FAM117A: variants seen among roughly 807,000 people sequenced by gnomAD.
FAM117A encodes the protein protein FAM117A.
Under a neutral mutation model 44.1 loss-of-function variants are expected in FAM117A, and 21 were observed. That is an observed-to-expected ratio of 0.48 (90% CI 0.34 to 0.69). The LOEUF (loss-of-function observed/expected upper bound fraction) is 0.69, where lower values mean the gene tolerates loss of function less well. Ranked by LOEUF, FAM117A falls within the 30% of genes least tolerant of loss-of-function variation. FAM117A has a pLI of 0.01. For missense variants in FAM117A, 498 were observed against 589.9 expected (o/e 0.84, Z 1.61); for synonymous variants, 220 against 238.3 (o/e 0.92, Z 0.71).
rs188235688 is a variant in FAM117A at position 49,776,676 on chromosome 17, G to A, written c.-621+11821C>T. Among the ~76,000 whole-genome samples the A allele has an allele frequency of 2.0e-3, 311 of 152,246 alleles. 2 individuals are homozygous for A. The highest frequency in any genetic ancestry group is 3.9e-3 in the Non-Finnish European group (265 of 68,016). On this transcript the variant is annotated intron_variant, in intron 1 of 7. Transcript: ENST00000513602. ...GGAGGAGAGCAAGATGGGGAAAGCT[G>A]GGGGGTTTCCATGAAGGAGAAACCA...
chr17:49,737,618 T>C (rs1316308510), intron 1 of FAM117A, among the ~76,000 whole-genome samples: 1 of 152,168 alleles, frequency 6.6e-6, no homozygotes, highest in Non-Finnish European at 1.5e-5. Flanking sequence ...AAAAATCTCT[T>C]TTAGATTCTT....
intron 1 of FAM117A, among the ~76,000 whole-genome samples, chr17:49,745,531 C>A (rs968806721): frequency 1.3e-5 from 2 of 152,200 alleles, no homozygotes; most frequent in African/African-American, 4.8e-5. Context: ...TAGCAGTGGA[C>A]ATTCTGGCAT....
rs1162296103 is a variant in FAM117A at position 49,758,637 on chromosome 17, TA to T, written c.196+5254del. 3.2e-3 allele frequency among the ~76,000 whole-genome samples: 310 copies of T among 96,860 alleles called. 12 individuals are homozygous for T. In the East Asian group the frequency reaches 0.047, roughly 15 times the overall value. The allele number at this position is 96,860 out of a possible 152,430, so 63.5% of individuals were successfully genotyped here. A position where few individuals can be genotyped will look rare whatever the true frequency, so the allele number is the denominator to read the frequency against. ...AGACTGTCTCAAAAAAAAAAAAAAATAAAATAAATAAATAAATAAATAAATA... is the reference window on the plus strand; with the variant it reads ...AGACTGTCTCAAAAAAAAAAAAAAATAAATAAATAAATAAATAAATAAATA... On this transcript the variant is annotated intron_variant, in intron 1 of 7. Coordinates refer to ENST00000240364, the MANE Select transcript of FAM117A (RefSeq NM_030802.4).
At chr17:49,761,545 A>T (rs755749218) in intron 1 of FAM117A, among the ~76,000 whole-genome samples, 4 of 152,258 alleles carry the variant, frequency 2.6e-5, no homozygotes, top group Non-Finnish European at 5.9e-5. Flanking sequence ...ACTAAGACAC[A>T]GAAAGAACTT....
At chr17:49,755,422 A>G (rs2073694948) in intron 1 of FAM117A, among the ~76,000 whole-genome samples, 1 of 152,224 alleles carries the variant, frequency 6.6e-6, no homozygotes, top group South Asian at 2.1e-4. Flanking sequence ...GAGTGAAAAG[A>G]CAGTTAGCAT....
rs1478574035 is a variant in FAM117A, at chr17:49,717,493, C to T, written c.910+20G>A. 3 of 1,610,748 alleles carry T rather than the reference C, an allele frequency of 1.9e-6. No homozygotes were observed. The highest frequency in any genetic ancestry group is 1.3e-5 in the African/African-American group (1 of 74,878). On this transcript the variant is annotated intron_variant, in intron 6 of 7. Transcript: ENST00000240364. ...ATGTGCCCCAGAGTCAGCCCTGCTGCCTCAGCCTTCGCGGCTTACCTTTGT... is the reference window on the plus strand; with the variant it reads ...ATGTGCCCCAGAGTCAGCCCTGCTGTCTCAGCCTTCGCGGCTTACCTTTGT...
At chr17:49,716,990 A>G (rs1325179765) in intron 6 of FAM117A, among the ~76,000 whole-genome samples, 1 of 152,152 alleles carries the variant, frequency 6.6e-6, no homozygotes, top group Non-Finnish European at 1.5e-5. Flanking sequence ...TAATGTAAGG[A>G]TTATTATTAG....
chr17:49,747,634 C>G (rs910395353), intron 1 of FAM117A, among the ~76,000 whole-genome samples: 1 of 152,204 alleles, frequency 6.6e-6, no homozygotes, highest in Non-Finnish European at 1.5e-5. Flanking sequence ...CTTCTCTGAT[C>G]ATCTCCAACT....
intron 1 of FAM117A, among the ~76,000 whole-genome samples, chr17:49,788,113 G>A (rs1233706880): frequency 6.6e-6 from 1 of 152,202 alleles, no homozygotes; most frequent in African/African-American, 2.4e-5. Flanking sequence ...TAACTCACTT[G>A]CTGTTAGCTA....
intron 7 of FAM117A, among the ~76,000 whole-genome samples, chr17:49,714,326 C>G (rs966746252): frequency 9.2e-5 from 14 of 151,852 alleles, no homozygotes; most frequent in African/African-American, 3.1e-4. Flanking sequence ...TGATGGATCA[C>G]CACCACTCTT....
chr17:49,716,364 C>T (rs1215804361), intron 6 of FAM117A, 49 bp from the exon 7 acceptor site: 3 of 1,476,382 alleles, frequency 2.0e-6, no homozygotes, highest in Non-Finnish European at 2.7e-6. Flanking sequence ...GGAAGGCCTC[C>T]ACTTTTCTGG....
At chr17:49,787,412 C>A (rs527333214) in intron 1 of FAM117A, among the ~76,000 whole-genome samples, 4 of 152,300 alleles carry the variant, frequency 2.6e-5, no homozygotes, top group Admixed American at 2.6e-4. Flanking sequence ...CTAAAAGCTG[C>A]CTGTGTCAAC....
intron 1 of FAM117A, among the ~76,000 whole-genome samples, chr17:49,751,536 C>T (rs1174563228): frequency 6.6e-6 from 1 of 151,738 alleles, no homozygotes; most frequent in East Asian, 1.9e-4. Context: ...GACGAGATTG[C>T]ACCACTATAC....
intron 1 of FAM117A, among the ~76,000 whole-genome samples, chr17:49,783,689 A>G (rs747469484): frequency 6.6e-6 from 1 of 152,234 alleles, no homozygotes; most frequent in Non-Finnish European, 1.5e-5. Context: ...GCAAATGAAA[A>G]TATTTTAATA....
At position 49,763,956 on chromosome 17, in the gene FAM117A, G is replaced by C; in HGVS notation, c.132C>G (p.Leu44=). 1.6e-6 allele frequency: 2 copies of C among 1,233,906 alleles called. No individual in the cohort carries two copies. Among genetic ancestry groups the C allele is most frequent in the Non-Finnish European group, 2.0e-6 (2 of 989,688 alleles). The allele number at this position is 1,233,906 out of a possible 1,614,324, so 76.4% of individuals were successfully genotyped here. A position where few individuals can be genotyped will look rare whatever the true frequency, so the allele number is the denominator to read the frequency against. The change falls in exon 1 of 8, where the codon CTC becomes CTG. Residue 44 remains leucine (L), a synonymous_variant. Coordinates refer to ENST00000240364, the MANE Select transcript of FAM117A (RefSeq NM_030802.4). ...AGSPRAGLQP[L]RATIPFQLQQ... ...GCAGCTGGAAGGGGATCGTGGCCCT[G>C]AGCGGCTGCAGCCCAGCCCGGGGGG...
At chr17:49,735,093 G>A (rs1052290291) in intron 1 of FAM117A, among the ~76,000 whole-genome samples, 2 of 152,102 alleles carry the variant, frequency 1.3e-5, no homozygotes, top group East Asian at 3.8e-4. Flanking sequence ...ATGGACCCTG[G>A]TTATGGTTGC....
intron 2 of FAM117A, among the ~76,000 whole-genome samples, chr17:49,729,503 CTTTTTT>C (rs3034927): frequency 4.3e-5 from 4 of 92,196 alleles, no homozygotes; most frequent in Admixed American, 1.1e-4. Context: ...TGGCATCAGT[CTTTTTT>C]TTTTTTTTTT....
In FAM117A at chr17:49,762,643, TCAG is replaced by T. The variant is rs2073726532; in HGVS notation, c.196+1246_196+1248del. Among the ~76,000 whole-genome samples the T allele has an allele frequency of 1.1e-4, 16 of 152,304 alleles. No homozygotes were observed. The South Asian group carries it at 3.3e-3, about 32-fold the overall frequency. On this transcript the variant is annotated intron_variant, in intron 1 of 7. Coordinates refer to ENST00000240364, the MANE Select transcript of FAM117A (RefSeq NM_030802.4). ...GTGCAGTAACTAGGCTTGGTAATCA[TCAG>T]AAGCTCAAGAGACTCTGGTTTAGAG... is the stretch of plus-strand genomic sequence containing the variant.
upstream of FAM117A, chr17:49,765,489 A>C (rs1181860900): frequency 1.3e-5 from 2 of 152,260 alleles, no homozygotes; most frequent in Admixed American, 1.3e-4. Flanking sequence ...TATTGAAAGT[A>C]GATAATACCC....
Sources: allele counts gnomAD v4.1 joint callset (sites outside exome capture counted in the v4.1 genomes callset), GRCh38; gene constraint gnomAD v4.1.1; transcripts MANE v1.5; gene names NCBI Gene and HGNC (gene_info 2026-07-23, HGNC 2026-07-21).